The following CFAP157 variants were observed in gnomAD, a reference collection of about 807,000 sequenced individuals.
CFAP157 encodes cilia and flagella associated protein 157.
In CFAP157, 43 loss-of-function variants were observed where a neutral mutation model predicts 57.8. That is an observed-to-expected ratio of 0.74 (90% confidence interval 0.58 to 0.96). CFAP157 has a LOEUF of 0.96. Ranked by LOEUF, CFAP157 falls within the 40% of genes least tolerant of loss-of-function variation. The pLI, the probability that CFAP157 is intolerant of heterozygous loss-of-function variation, is 0.00. For synonymous variants in CFAP157, 267 were observed against 269.0 expected (o/e 0.99, Z 0.07); for missense variants, 606 against 655.3 (o/e 0.92, Z 0.82).
At position 127,710,663 on chromosome 9, in the gene CFAP157, A is replaced by T. The variant is rs1285341177; in HGVS notation, c.496A>T (p.Thr166Ser). 6.3e-7 allele frequency: 1 copy of T among 1,585,516 alleles called. No individual in the cohort carries two copies. Among genetic ancestry groups the T allele is most frequent in the South Asian group, 1.2e-5 (1 of 86,756 alleles). Residue 166 changes from threonine to serine, a missense_variant, in exon 3 of 9, where the codon ACA (threonine) becomes TCA (serine). By Grantham distance (58) the Thr-to-Ser change is moderately conservative. Coordinates refer to ENST00000373295, the MANE Select transcript of CFAP157 (RefSeq NM_001012502.3). Reference protein sequence around the residue: ...LQKEEVTDKFTLLEEQVRKQE... With the variant: ...LQKEEVTDKFSLLEEQVRKQE... ...GAAAGAGGAGGTCACGGACAAGTTC[A>T]CATTGCTGGAGGAGCAGGTGCGGAA...
Position 127,714,598 on chromosome 9 carries a change from C to G in CFAP157, c.*693C>G. On this transcript the variant is annotated 3_prime_UTR_variant, in exon 9 of 9. Coordinates refer to ENST00000373295, the MANE Select transcript of CFAP157 (RefSeq NM_001012502.3). ...ATCCCAACCCTGACCATCTCAGGACCTCACCTGGCACTGCCCCCCAGCTTC... is the reference window on the plus strand; with the variant it reads ...ATCCCAACCCTGACCATCTCAGGACGTCACCTGGCACTGCCCCCCAGCTTC... 1 of 1,613,376 alleles carries G rather than the reference C, an allele frequency of 6.2e-7. No homozygotes were observed. Among genetic ancestry groups the G allele is most frequent in the South Asian group, 1.1e-5 (1 of 91,000 alleles).
Position 127,710,756 on chromosome 9 carries a change from T to TGGGCAA in CFAP157, c.587+4_587+9dup, listed in dbSNP as rs1842747172. The TGGGCAA allele has an allele frequency of 2.6e-6, 4 of 1,561,874 alleles. No individual in the cohort carries two copies. The highest frequency in any genetic ancestry group is 3.5e-6 in the Non-Finnish European group (4 of 1,152,260). ...GAAGTCGGTGCTGGACAAGGACAGG[T>TGGGCAA]GGGCAAGCGGGGCACCCTTTGGGGC... On this transcript the variant is annotated splice_region_variant and intron_variant, in intron 3 of 8. Transcript: ENST00000373295.
Position 127,714,566 on chromosome 9 carries a change from A to T in CFAP157, c.*661A>T, listed in dbSNP as rs1254559381. ...TACTCCACCCCAACTGGGAGGCCTG[A>T]AGCCCTATCCCAACCCTGACCATCT... On this transcript the variant is annotated 3_prime_UTR_variant, in exon 9 of 9. Coordinates refer to ENST00000373295, the MANE Select transcript of CFAP157 (RefSeq NM_001012502.3). The T allele has an allele frequency of 6.2e-7, 1 of 1,602,128 alleles. No homozygotes were observed. Among genetic ancestry groups the T allele is most frequent in the African/African-American group, 1.3e-5 (1 of 74,668 alleles).
In CFAP157 at chr9:127,712,375, C is replaced by T. The variant is rs750917269; in HGVS notation, c.1137+26C>T. On this transcript the variant is annotated intron_variant, in intron 6 of 8. Coordinates refer to ENST00000373295, the MANE Select transcript of CFAP157 (RefSeq NM_001012502.3). ...GTGAGCAGAAGGGAGAGAGGGAGGGCGCAAGGGGAGGGGGAGTGAGCGCAA... is the reference window on the plus strand; with the variant it reads ...GTGAGCAGAAGGGAGAGAGGGAGGGTGCAAGGGGAGGGGGAGTGAGCGCAA... 87 of 1,611,584 alleles carry T rather than the reference C, an allele frequency of 5.4e-5. 1 individual carries two copies. In the East Asian group the frequency reaches 1.4e-3, roughly 26 times the overall value.
At chr9:127,711,691 T>C (rs928315472) in intron 4 of CFAP157, 129 bp from the exon 5 acceptor site, 8 of 1,212,250 alleles carry the variant, frequency 6.6e-6, no homozygotes, top group Non-Finnish European at 8.0e-6. Flanking sequence ...CCCCATAACT[T>C]ATGGAAGCAG....
chr9:127,714,249 G>A lies in CFAP157; in HGVS notation c.*344G>A, dbSNP rs141664618. The A allele has an allele frequency of 6.8e-6, 11 of 1,613,828 alleles. No individual in the cohort carries two copies. Among genetic ancestry groups the A allele is most frequent in the African/African-American group, 1.3e-5 (1 of 74,940 alleles). On this transcript the variant is annotated 3_prime_UTR_variant, in exon 9 of 9. Coordinates refer to ENST00000373295, the MANE Select transcript of CFAP157 (RefSeq NM_001012502.3). ...GCCTGAACCGCCTCAGGGTGCGCCGGGCGCCCGATACCCACCCGCAGCCTT... is the reference window on the plus strand; with the variant it reads ...GCCTGAACCGCCTCAGGGTGCGCCGAGCGCCCGATACCCACCCGCAGCCTT...
Position 127,709,759 on chromosome 9 carries a change from T to C in CFAP157, c.433+66T>C. On this transcript the variant is annotated intron_variant, in intron 2 of 8. Transcript: ENST00000373295. The surrounding 1 kb of genome is among the most constrained non-coding windows in gnomAD (Gnocchi z 4.7). ...CCAGCTCTATCACTGACCCTGTTTC[T>C]CACCTGGGAAACAGGGATAATAGCC... is the stretch of plus-strand genomic sequence containing the variant. The C allele has an allele frequency of 6.6e-7, 1 of 1,511,872 alleles. No individual in the cohort carries two copies. The highest frequency in any genetic ancestry group is 9.0e-7 in the Non-Finnish European group (1 of 1,110,956). The allele number at this position is 1,511,872 out of a possible 1,614,324, so 93.7% of individuals were successfully genotyped here. A position where few individuals can be genotyped will look rare whatever the true frequency, so the allele number is the denominator to read the frequency against.
intron 4 of CFAP157, 85 bp downstream of exon 4, chr9:127,711,581 C>T: frequency 1.3e-6 from 2 of 1,507,620 alleles, no homozygotes; most frequent in Non-Finnish European, 1.8e-6. Context: ...GAGTCAGGGG[C>T]AGTCAAGTCA....
At position 127,713,188 on chromosome 9, in the gene CFAP157, G is replaced by A; in HGVS notation, c.1473G>A (p.Arg491=). ...ATATCACCCGTGTGGGGACCTTCCG[G>A]GCACACAGCAGCCCTGAGGTGAGGG... ...LSYITRVGTF[R]AHSSPEMRAP... Residue 491 remains arginine, a synonymous_variant, in exon 8 of 9, where the codon CGG becomes CGA. Coordinates refer to ENST00000373295, the MANE Select transcript of CFAP157 (RefSeq NM_001012502.3). 6.4e-7 allele frequency: 1 copy of A among 1,558,200 alleles called. No homozygotes were observed.
Position 127,714,934 on chromosome 9 carries a change from C to A in CFAP157, c.*1029C>A, listed in dbSNP as rs904613467. 9 of 645,712 alleles carry A rather than the reference C, an allele frequency of 1.4e-5. No individual in the cohort carries two copies. Among genetic ancestry groups the A allele is most frequent in the Non-Finnish European group, 2.4e-5 (9 of 378,074 alleles). 40.0% of individuals were successfully genotyped at this position (645,712 alleles called of 1,614,324 possible). On this transcript the variant is annotated 3_prime_UTR_variant, in exon 9 of 9. Coordinates refer to ENST00000373295, the MANE Select transcript of CFAP157 (RefSeq NM_001012502.3). ...CTGGCCCCCGCGCCCCAACCCCCAC[C>A]CCCTTGGCCCGCCCGCCCACCCCTG...
At chr9:127,707,575 C>T (rs1842675422) in intron 1 of CFAP157, among the ~76,000 whole-genome samples, 1 of 152,168 alleles carries the variant, frequency 6.6e-6, no homozygotes, top group East Asian at 1.9e-4. Flanking sequence ...CTGGCAGTGG[C>T]ACCTGTGCCC....
At position 127,709,723 on chromosome 9, in the gene CFAP157, A is replaced by C. The variant is rs1842720797; in HGVS notation, c.433+30A>C. 25 of 1,602,844 alleles carry C rather than the reference A, an allele frequency of 1.6e-5. No individual in the cohort carries two copies. Among genetic ancestry groups the C allele is most frequent in the Non-Finnish European group, 2.0e-5 (24 of 1,173,560 alleles). On this transcript the variant is annotated intron_variant, in intron 2 of 8. Transcript: ENST00000373295. The surrounding 1 kb of genome is among the most constrained non-coding windows in gnomAD (Gnocchi z 4.7). ...GGAGGGGACTGGCTGGTGAGCCTGC[A>C]GGCACACATCCCAGCTCTATCACTG...
Position 127,714,799 on chromosome 9 carries a change from C to T in CFAP157, c.*894C>T. ...TGAGGGACCACAACTAATCCCACTT[C>T]ACATATAAAGAAACTGAGGCCCCCC... On this transcript the variant is annotated 3_prime_UTR_variant, in exon 9 of 9. Coordinates refer to ENST00000373295, the MANE Select transcript of CFAP157 (RefSeq NM_001012502.3). The T allele has an allele frequency of 8.5e-7, 1 of 1,171,940 alleles. No homozygotes were observed. Among genetic ancestry groups the T allele is most frequent in the Non-Finnish European group, 1.2e-6 (1 of 805,952 alleles). 72.6% of individuals were successfully genotyped at this position (1,171,940 alleles called of 1,614,324 possible).
At chr9:127,710,291 A>AC (rs932723711) in intron 2 of CFAP157, among the ~76,000 whole-genome samples, 2 of 151,742 alleles carry the variant, frequency 1.3e-5, no homozygotes, top group Non-Finnish European at 2.9e-5. Context: ...TCAAAAAAAA[A>AC]AAAAAAAACA....
chr9:127,713,805 C>T, intron 8 of CFAP157, 29 bp from the exon 9 acceptor site: 3 of 1,604,316 alleles, frequency 1.9e-6, no homozygotes, highest in Non-Finnish European at 2.6e-6. Flanking sequence ...CTGCACCCGG[C>T]CTCCAAGCCA....
Position 127,711,422 on chromosome 9 carries a change from A to G in CFAP157, c.781A>G (p.Asn261Asp). The G allele has an allele frequency of 6.2e-7, 1 of 1,614,164 alleles. No individual in the cohort carries two copies. Among genetic ancestry groups the G allele is most frequent in the Non-Finnish European group, 8.5e-7 (1 of 1,180,046 alleles). ...TGAGCAGCTCAAGGGAAGACAGAAC[A>G]ATCTGTGCAAACAGCTGGAGCTGCT... ...ENEQLKGRQN[N>D]LCKQLELLEN... The change falls in exon 4 of 9, where the codon AAT becomes GAT. Residue 261 changes from asparagine (N) to aspartate (D), a missense_variant. By Grantham distance (23) the Asn-to-Asp change is conservative. Coordinates refer to ENST00000373295, the MANE Select transcript of CFAP157 (RefSeq NM_001012502.3).
In CFAP157 at chr9:127,709,525, C is replaced by T. The variant is rs368112775; in HGVS notation, c.265C>T (p.Arg89Cys). 1.2e-5 allele frequency: 19 copies of T among 1,613,992 alleles called. No individual in the cohort carries two copies. Among genetic ancestry groups the T allele is most frequent in the East Asian group, 2.2e-5 (1 of 44,882 alleles). ...GAAGGAGATTGTGGCCTTCCTCAAGCGCACGCTCAACCAGCAGGTGGATGA... is the reference window on the plus strand; with the variant it reads ...GAAGGAGATTGTGGCCTTCCTCAAGTGCACGCTCAACCAGCAGGTGGATGA... ...NKKEIVAFLK[R>C]TLNQQVDEIT... The change falls in exon 2 of 9, where the codon CGC becomes TGC. Residue 89 changes from arginine (R) to cysteine (C), a missense_variant. By Grantham distance (180) the Arg-to-Cys change is radical. Transcript: ENST00000373295. This position sits in a 1 kb window ranked among gnomAD's most constrained non-coding sequence, Gnocchi z 4.7.
intron 3 of CFAP157, 145 bp downstream of exon 3, chr9:127,710,899 C>T: frequency 1.0e-6 from 1 of 959,658 alleles, no homozygotes; most frequent in Non-Finnish European, 1.6e-6. Flanking sequence ...TCCTTGGAAT[C>T]CCAGCTGGTG....
rs73600054 is a variant in CFAP157, at chr9:127,712,653, C to G, written c.1138-56C>G. 22,042 of 1,613,350 alleles carry G rather than the reference C, an allele frequency of 0.014. 1,866 individuals are homozygous for G. In the African/African-American group the frequency reaches 0.21, roughly 15 times the overall value. On this transcript the variant is annotated intron_variant, in intron 6 of 8. Transcript: ENST00000373295. ...GGCACTGAGGTTGGAATTTCCTGGA[C>G]GAGGGTGGGTACTGGGGCCACTGTG...
Sources: allele counts gnomAD v4.1 joint callset (sites outside exome capture counted in the v4.1 genomes callset), GRCh38; gene constraint gnomAD v4.1.1; non-coding constraint Gnocchi (gnomAD v3.1); transcripts MANE v1.5; gene names NCBI Gene and HGNC (gene_info 2026-07-23, HGNC 2026-07-21).